SLC15A2: variants seen among roughly 807,000 people sequenced by gnomAD.
SLC15A2 encodes the protein kidney H(+)/peptide cotransporter.
SLC15A2 carries 77 observed loss-of-function variants against 95.5 expected under a neutral mutation model. The observed-to-expected ratio is 0.81, with a 90% CI of 0.67 to 0.97. The LOEUF (loss-of-function observed/expected upper bound fraction) is 0.97. Ranked by LOEUF, SLC15A2 falls within the 50% of genes least tolerant of loss-of-function variation. The probability of loss-of-function intolerance (pLI) is 0.00; values close to 1 mark genes in which losing one functional copy is unlikely to be tolerated. For missense variants in SLC15A2, 893 were observed against 874.4 expected (o/e 1.02, Z -0.27); for synonymous variants, 306 against 306.9 (o/e 1.00, Z 0.03).
At chr3:121,914,962 G>A (rs907662491) in intron 5 of SLC15A2, 46 of 1,191,838 alleles carry the variant, frequency 3.9e-5, no homozygotes, top group Non-Finnish European at 4.6e-5. Flanking sequence ...ATACGGTAGT[G>A]GCACTGAAGA....
intron 19 of SLC15A2, among the ~76,000 whole-genome samples, chr3:121,938,366 C>G (rs1397319341): frequency 6.6e-6 from 1 of 152,224 alleles, no homozygotes; most frequent in South Asian, 2.1e-4. Flanking sequence ...CCCCCAGCCT[C>G]GCTGCCACCT....
intron 20 of SLC15A2, among the ~76,000 whole-genome samples, chr3:121,940,003 A>C (rs1710428958): frequency 6.6e-6 from 1 of 151,956 alleles, no homozygotes; most frequent in Non-Finnish European, 1.5e-5. Context: ...ACAGGGTTTC[A>C]CCATGTTGGC....
At chr3:121,928,371 A>G (rs756241314) in intron 14 of SLC15A2, 50 bp from the exon 15 acceptor site, 2 of 1,598,612 alleles carry the variant, frequency 1.3e-6, no homozygotes, top group Non-Finnish European at 1.7e-6. Context: ...TTGCCATTGT[A>G]TCTGAAGGAT....
Position 121,914,993 on chromosome 3 carries a change from T to A in SLC15A2, c.529-234T>A, listed in dbSNP as rs1709856612. ...GAAGACAGGAAGATTATTTTTAACC[T>A]ATGAAAAGGGAGGAAAAGAATGCTA... is the stretch of plus-strand genomic sequence containing the variant. On this transcript the variant is annotated intron_variant, in intron 5 of 21. Coordinates refer to ENST00000489711, the MANE Select transcript of SLC15A2 (RefSeq NM_021082.4). 4 of 1,277,568 alleles carry A rather than the reference T, an allele frequency of 3.1e-6. No homozygotes were observed. In the Admixed American group the frequency reaches 1.1e-4, roughly 36 times the overall value. 79.1% of individuals were successfully genotyped at this position (1,277,568 alleles called of 1,614,324 possible).
Position 121,924,403 on chromosome 3 carries a change from C to A in SLC15A2, c.1035+20C>A. 1.2e-6 allele frequency: 2 copies of A among 1,608,236 alleles called. No individual in the cohort carries two copies. The highest frequency in any genetic ancestry group is 1.7e-6 in the Non-Finnish European group (2 of 1,175,146). The stretch of plus-strand genomic sequence containing the variant: ...ATGCAGGTATGTGACTCTTCTATAG[C>A]CATGGGGACTTATTTGTTTCCTTAT... On this transcript the variant is annotated intron_variant, in intron 12 of 21. Transcript: ENST00000489711.
chr3:121,909,139 T>G (rs1387080690), intron 3 of SLC15A2, among the ~76,000 whole-genome samples: 1 of 152,172 alleles, frequency 6.6e-6, no homozygotes, highest in Non-Finnish European at 1.5e-5. Flanking sequence ...CTCAGCTCAC[T>G]GCAACCTCCA....
chr3:121,911,830 A>C (rs549056117), intron 4 of SLC15A2, among the ~76,000 whole-genome samples, 164 bp downstream of exon 4: 99 of 152,302 alleles, frequency 6.5e-4, no homozygotes, highest in African/African-American at 2.2e-3. Flanking sequence ...TTCCTACTTT[A>C]TCTGAGCTCA....
Position 121,896,266 on chromosome 3 carries a change from T to C in SLC15A2, c.106-140T>C, listed in dbSNP as rs1325102545. ...CACTTTTAGTGTTACCTAATAGGTG[T>C]GTCATGAAGAGTAGAGACCATTGCT... On this transcript the variant is annotated intron_variant, in intron 1 of 21. Coordinates refer to ENST00000489711, the MANE Select transcript of SLC15A2 (RefSeq NM_021082.4). 6.0e-6 allele frequency: 4 copies of C among 665,254 alleles called. No individual in the cohort carries two copies. The East Asian group carries it at 1.1e-4, about 18-fold the overall frequency. The allele number at this position is 665,254 out of a possible 1,614,324, so 41.2% of individuals were successfully genotyped here. A position where few individuals can be genotyped will look rare whatever the true frequency, so the allele number is the denominator to read the frequency against.
intron 14 of SLC15A2, among the ~76,000 whole-genome samples, chr3:121,928,071 A>G (rs900517405): frequency 5.3e-5 from 8 of 152,218 alleles, no homozygotes; most frequent in African/African-American, 1.9e-4. Flanking sequence ...ATTCTCAAAC[A>G]CTAATATCCA....
intron 13 of SLC15A2, among the ~76,000 whole-genome samples, chr3:121,926,788 T>C (rs1287419201): frequency 6.6e-6 from 1 of 152,208 alleles, no homozygotes; most frequent in Non-Finnish European, 1.5e-5. Flanking sequence ...CCACGGGCAC[T>C]CAACAACCTG....
Position 121,896,526 on chromosome 3 carries a change from C to T in SLC15A2, c.193+33C>T, listed in dbSNP as rs201393729. The T allele has an allele frequency of 1.8e-5, 27 of 1,487,876 alleles. No individual in the cohort carries two copies. In the African/African-American group the frequency reaches 2.3e-4, roughly 13 times the overall value. 92.2% of individuals were successfully genotyped at this position (1,487,876 alleles called of 1,614,324 possible). On this transcript the variant is annotated intron_variant, in intron 2 of 21. Coordinates refer to ENST00000489711, the MANE Select transcript of SLC15A2 (RefSeq NM_021082.4). ...TGTGTCCAAGAGTCCTACCTACTCTCCTCCACCCACCCTCACCCCATGTTT... is the reference window on the plus strand; with the variant it reads ...TGTGTCCAAGAGTCCTACCTACTCTTCTCCACCCACCCTCACCCCATGTTT...
chr3:121,916,626 A>T (rs531550393), intron 7 of SLC15A2, among the ~76,000 whole-genome samples: 2 of 152,272 alleles, frequency 1.3e-5, no homozygotes, highest in South Asian at 4.2e-4. Context: ...TATTTTCCCA[A>T]ATATTTGCAT....
At chr3:121,917,301 C>A (rs1709914850) in intron 7 of SLC15A2, among the ~76,000 whole-genome samples, 1 of 152,078 alleles carries the variant, frequency 6.6e-6, no homozygotes, top group Non-Finnish European at 1.5e-5. Context: ...AAGGAATTTA[C>A]AATATGGTAT....
intron 3 of SLC15A2, among the ~76,000 whole-genome samples, chr3:121,904,576 G>A (rs1003171394): frequency 6.6e-6 from 1 of 152,130 alleles, no homozygotes; most frequent in African/African-American, 2.4e-5. Flanking sequence ...GTTGATTTTT[G>A]TCGAAGGCCT....
intron 3 of SLC15A2, among the ~76,000 whole-genome samples, chr3:121,903,101 C>T (rs997409412): frequency 2.0e-5 from 3 of 152,166 alleles, no homozygotes; most frequent in African/African-American, 4.8e-5. Flanking sequence ...TCTTTGATGG[C>T]CAGTGATGAT....
chr3:121,928,429 C>T lies in SLC15A2; in HGVS notation c.1215C>T (p.Ala405=), dbSNP rs1710163954. ...GTGTTCTTTGCTCTAAGGAAATGGC[C>T]CCAGCCCAGCCAGGTCCCCAGGAGG... is the stretch of plus-strand genomic sequence containing the variant. ...AAVEIKINEM[A]PAQPGPQEVF... is the part of the protein sequence containing the mutation. Residue 405 remains alanine, a synonymous_variant, in exon 15 of 22, where the codon GCC becomes GCT. Transcript: ENST00000489711. 8 of 1,613,452 alleles carry T rather than the reference C, an allele frequency of 5.0e-6. No individual in the cohort carries two copies. Among genetic ancestry groups the T allele is most frequent in the South Asian group, 1.1e-5 (1 of 91,030 alleles).
At chr3:121,896,133 G>A (rs756207767) in intron 1 of SLC15A2, among the ~76,000 whole-genome samples, 1 of 152,124 alleles carries the variant, frequency 6.6e-6, no homozygotes, top group Non-Finnish European at 1.5e-5. Flanking sequence ...TAGTAGTTGT[G>A]GGAAGATGAG....
rs1221995695 is a variant in SLC15A2, at chr3:121,894,505, A to C, written c.29A>C (p.Lys10Thr). ...AATCCTTTCCAGAAAAATGAGTCCA[A>C]GGAAACTCTTTTTTCACCTGTCTCC... MNPFQKNESKETLFSPVSIE... is the reference protein window; with the variant it reads MNPFQKNESTETLFSPVSIE... The change falls in exon 1 of 22, where the codon AAG becomes ACG. Residue 10 changes from lysine (K) to threonine (T), a missense_variant. Lys to Thr is a moderately conservative substitution (Grantham distance 78, BLOSUM62 -1). Transcript: ENST00000489711. The C allele has an allele frequency of 1.9e-6, 3 of 1,613,532 alleles. No individual in the cohort carries two copies. Among genetic ancestry groups the C allele is most frequent in the Non-Finnish European group, 2.5e-6 (3 of 1,179,688 alleles).
At chr3:121,935,097 C>G (rs1426776517) in intron 19 of SLC15A2, among the ~76,000 whole-genome samples, 1 of 152,198 alleles carries the variant, frequency 6.6e-6, no homozygotes, top group African/African-American at 2.4e-5. Context: ...ACCAGCCTTG[C>G]ATCCCAGGGA....
Sources: gnomAD v4.1 joint callset for allele counts (sites outside exome capture counted in the v4.1 genomes callset) on GRCh38, gnomAD v4.1.1 for gene constraint, MANE v1.5 for transcripts, NCBI Gene and HGNC (gene_info 2026-07-23, HGNC 2026-07-21) for gene names.